FBXO46: variants seen among roughly 807,000 people sequenced by gnomAD.
FBXO46 encodes F-box protein 46.
FBXO46 carries 13 observed loss-of-function variants against 30.7 expected under a neutral mutation model. The observed-to-expected ratio is 0.42, with a 90% CI of 0.28 to 0.67. FBXO46 has a LOEUF of 0.67. FBXO46 is among the 30% of genes least tolerant of loss of function. FBXO46 has a pLI of 0.21. For missense variants in FBXO46, 754 were observed against 871.5 expected (o/e 0.87, Z 1.70); for synonymous variants, 467 against 385.8 (o/e 1.21, Z -2.47).
At chr19:45,721,748 A>G (rs564802890) in intron 1 of FBXO46, among the ~76,000 whole-genome samples, 1 of 151,462 alleles carries the variant, frequency 6.6e-6, no homozygotes, top group African/African-American at 2.4e-5. Context: ...GAGTTTCACC[A>G]TGTTAGCCAG....
At chr19:45,726,363 A>C (rs1968240062) in intron 1 of FBXO46, among the ~76,000 whole-genome samples, 1 of 151,844 alleles carries the variant, frequency 6.6e-6, no homozygotes, top group Non-Finnish European at 1.5e-5. Flanking sequence ...CAACAAAAAA[A>C]ATGGCTGGGC....
intron 1 of FBXO46, chr19:45,723,529 C>T (rs1413208318): frequency 1.3e-5 from 2 of 152,206 alleles, no homozygotes; most frequent in African/African-American, 2.4e-5. Context: ...GGCACTCTGG[C>T]TTTTTCATTT....
rs1193762169 is a variant in FBXO46, at chr19:45,710,713, GAAAA to G, written c.*967_*970del. On this transcript the variant is annotated 3_prime_UTR_variant, in exon 2 of 2. Transcript: ENST00000317683. ...GAAGCTTCCAGAACCACGATGGAAA[GAAAA>G]AAAAGAAAACAAAAAACAGAGAGAA... The G allele has an allele frequency of 6.6e-6, 1 of 151,870 alleles. No homozygotes were observed. The highest frequency in any genetic ancestry group is 1.5e-5 in the Non-Finnish European group (1 of 68,066). 9.4% of individuals were successfully genotyped at this position (151,870 alleles called of 1,614,324 possible).
chr19:45,714,818 C>CA (rs1968066402), intron 1 of FBXO46: 1 of 152,020 alleles, frequency 6.6e-6, no homozygotes, highest in East Asian at 1.9e-4. Context: ...CGCTTGAGCC[C>CA]AGGAGGTGGA....
chr19:45,719,519 A>G (rs1468680101), intron 1 of FBXO46, among the ~76,000 whole-genome samples: 3 of 152,176 alleles, frequency 2.0e-5, no homozygotes, highest in Middle Eastern at 3.2e-3. Flanking sequence ...TAAATCCACA[A>G]TTGATATGGG....
chr19:45,725,798 A>C (rs1242301849), intron 1 of FBXO46, among the ~76,000 whole-genome samples: 1 of 152,194 alleles, frequency 6.6e-6, no homozygotes, highest in Non-Finnish European at 1.5e-5. Flanking sequence ...CCCATTTTCC[A>C]GATTCAAAGT....
chr19:45,723,294 G>C lies in FBXO46; in HGVS notation c.-79+7555C>G, dbSNP rs1968197829. Among the ~76,000 whole-genome samples the C allele has an allele frequency of 1.3e-5, 2 of 151,726 alleles. 1 individual carries two copies. Among genetic ancestry groups the C allele is most frequent in the Non-Finnish European group, 2.9e-5 (2 of 67,932 alleles). ...GAGGCTGAGACAGGAGAATCCGCTG[G>C]GCCCAGGAGTGTGAGGCTGCAGTGA... On this transcript the variant is annotated intron_variant, in intron 1 of 1. Transcript: ENST00000317683.
At position 45,711,104 on chromosome 19, in the gene FBXO46, C is replaced by T. The variant is rs535534639; in HGVS notation, c.*580G>A. 373 of 356,578 alleles carry T rather than the reference C, an allele frequency of 1.0e-3. 1 individual carries two copies. The highest frequency in any genetic ancestry group is 1.7e-3 in the Admixed American group (39 of 22,616). 22.1% of individuals were successfully genotyped at this position (356,578 alleles called of 1,614,324 possible). A position where few individuals can be genotyped will look rare whatever the true frequency, so the allele number is the denominator to read the frequency against. On this transcript the variant is annotated 3_prime_UTR_variant, in exon 2 of 2. Coordinates refer to ENST00000317683, the MANE Select transcript of FBXO46 (RefSeq NM_001080469.2). ...TGAGGTTAAGGAGAAAACAGTATTT[C>T]CCCCCCACTTCTTTAATAGGCAAAC...
In FBXO46 at chr19:45,713,043, C is replaced by A. The variant is rs929358066; in HGVS notation, c.453G>T (p.Glu151Asp). Reference sequence around the variant, plus strand: ...GGCCCTCCTCAGCAGCAGGGGGGCCCTCCCGGCCCCCTGGGTCAGGAGGAG... The same window carrying A: ...GGCCCTCCTCAGCAGCAGGGGGGCCATCCCGGCCCCCTGGGTCAGGAGGAG... ...TKAPPDPGGR[E>D]GPPAAEEGPA... is the part of the protein sequence containing the mutation. The change falls in exon 2 of 2, where the codon GAG becomes GAT. Residue 151 changes from glutamate to aspartate, a missense_variant. Glu to Asp is a conservative substitution (Grantham distance 45, BLOSUM62 2). Around this residue, in one of 5 missense-constraint regions of FBXO46, gnomAD observed 454 missense variants for 426.5 expected, o/e 1.06. Coordinates refer to ENST00000317683, the MANE Select transcript of FBXO46 (RefSeq NM_001080469.2). This position sits in a 1 kb window ranked among gnomAD's most constrained non-coding sequence, Gnocchi z 4.7. 7 of 1,563,118 alleles carry A rather than the reference C, an allele frequency of 4.5e-6. No homozygotes were observed. In the African/African-American group the frequency reaches 8.2e-5, roughly 18 times the overall value.
At chr19:45,726,665 T>C (rs1005059227) in intron 1 of FBXO46, among the ~76,000 whole-genome samples, 1 of 151,494 alleles carries the variant, frequency 6.6e-6, no homozygotes, top group South Asian at 2.1e-4. Flanking sequence ...AAATTGTTTG[T>C]AGAGATGAAT....
chr19:45,712,122 C>T lies in FBXO46; in HGVS notation c.1374G>A (p.Glu458=). 6.3e-7 allele frequency: 1 copy of T among 1,599,270 alleles called. No individual in the cohort carries two copies. Among genetic ancestry groups the T allele is most frequent in the African/African-American group, 1.3e-5 (1 of 74,768 alleles). ...GCAGCCGCTGAATCTTGAAGCGGAT[C>T]TCTAGGAAGTCGTGCGACACGTGCC... ...LYRHVSHDFL[E]IRFKIQRLLE... Residue 458 remains glutamate, a synonymous_variant, in exon 2 of 2, where the codon GAG becomes GAA. Coordinates refer to ENST00000317683, the MANE Select transcript of FBXO46 (RefSeq NM_001080469.2). The surrounding 1 kb of genome is among the most constrained non-coding windows in gnomAD (Gnocchi z 8.8).
Position 45,710,858 on chromosome 19 carries a change from C to A in FBXO46, c.*826G>T, listed in dbSNP as rs1967944212. 6.2e-6 allele frequency: 1 copy of A among 160,106 alleles called. No homozygotes were observed. The highest frequency in any genetic ancestry group is 1.7e-4 in the South Asian group (1 of 5,836). The allele number at this position is 160,106 out of a possible 1,614,324, so 9.9% of individuals were successfully genotyped here. On this transcript the variant is annotated 3_prime_UTR_variant, in exon 2 of 2. Transcript: ENST00000317683. ...AGACCCCAATGCCTGAACGAGACCC[C>A]AGAGTGGAAGGAAAAACAACCCAGA...
At chr19:45,719,916 G>A in intron 1 of FBXO46, among the ~76,000 whole-genome samples, 1 of 152,196 alleles carries the variant, frequency 6.6e-6, no homozygotes, top group East Asian at 1.9e-4. Flanking sequence ...TTAATTTCGT[G>A]TTGAAGATAA....
chr19:45,712,020 C>A lies in FBXO46; in HGVS notation c.1476G>T (p.Ala492=). ...VKIFSFLPTR[A]LAALKCTCHH... ...GGCAGGTGCACTTGAGGGCGGCCAG[C>A]GCGCGCGTGGGCAGGAAGCTGAAGA... The change falls in exon 2 of 2, where the codon GCG becomes GCT. Residue 492 remains alanine, a synonymous_variant. Transcript: ENST00000317683. This position sits in a 1 kb window ranked among gnomAD's most constrained non-coding sequence, Gnocchi z 8.8. The A allele has an allele frequency of 6.2e-7, 1 of 1,612,152 alleles. No homozygotes were observed. Among genetic ancestry groups the A allele is most frequent in the Non-Finnish European group, 8.5e-7 (1 of 1,179,542 alleles).
At chr19:45,727,803 C>T (rs547117510) in intron 1 of FBXO46, among the ~76,000 whole-genome samples, 9 of 152,032 alleles carry the variant, frequency 5.9e-5, no homozygotes, top group South Asian at 4.1e-4. Context: ...AAAAGTTAAA[C>T]GAACAAAAGC....
At chr19:45,719,357 G>C (rs962482587) in intron 1 of FBXO46, among the ~76,000 whole-genome samples, 3 of 152,144 alleles carry the variant, frequency 2.0e-5, no homozygotes, top group Non-Finnish European at 4.4e-5. Context: ...TGAGTCCCTA[G>C]GGCTGGGGGA....
rs1281277519 is a variant in FBXO46, at chr19:45,713,912, G to A, written c.-78-339C>T. Among the ~76,000 whole-genome samples, 3 of 144,372 alleles carry A rather than the reference G, an allele frequency of 2.1e-5. No homozygotes were observed. Among genetic ancestry groups the A allele is most frequent in the Non-Finnish European group, 4.5e-5 (3 of 67,144 alleles). The allele number at this position is 144,372 out of a possible 152,430, so 94.7% of individuals were successfully genotyped here. A position where few individuals can be genotyped will look rare whatever the true frequency, so the allele number is the denominator to read the frequency against. On this transcript the variant is annotated intron_variant, in intron 1 of 1. Transcript: ENST00000317683. The surrounding 1 kb of genome is among the most constrained non-coding windows in gnomAD (Gnocchi z 4.7). ...GAACCTGGGAGGTGGAGGTTGCAGC[G>A]AGACCAGATGGCACCATTACACTCC...
chr19:45,726,563 G>T (rs1968243301), intron 1 of FBXO46, among the ~76,000 whole-genome samples: 1 of 151,790 alleles, frequency 6.6e-6, no homozygotes, highest in Admixed American at 6.6e-5. Flanking sequence ...CAGGAGAATT[G>T]CTTGAACCCA....
chr19:45,731,889 G>A (rs771375033), upstream of FBXO46, among the ~76,000 whole-genome samples: 7 of 151,418 alleles, frequency 4.6e-5, no homozygotes, highest in South Asian at 1.3e-3. Context: ...AGGCCGAGGC[G>A]GGCTGATCAC....
Sources: allele counts gnomAD v4.1 joint callset (sites outside exome capture counted in the v4.1 genomes callset), GRCh38; gene constraint gnomAD v4.1.1; regional missense constraint gnomAD v4.1.1; non-coding constraint Gnocchi (gnomAD v3.1); transcripts MANE v1.5; gene names NCBI Gene and HGNC (gene_info 2026-07-23, HGNC 2026-07-21).